The following KIAA1217 variants were observed in gnomAD, a reference collection of about 807,000 sequenced individuals.
KIAA1217 encodes KIAA1217, also known as sickle tail protein homolog.
KIAA1217 carries 88 observed loss-of-function variants against 163.9 expected under a neutral mutation model. The ratio of observed to expected loss-of-function variants is 0.54; its 90% CI spans 0.45 to 0.64. The LOEUF (loss-of-function observed/expected upper bound fraction) is 0.64, where lower values mean the gene tolerates loss of function less well. KIAA1217 is among the 30% of genes least tolerant of loss of function. The probability of loss-of-function intolerance (pLI) is 0.00; values close to 1 mark genes in which losing one functional copy is unlikely to be tolerated. For synonymous variants in KIAA1217, 903 were observed against 923.1 expected (o/e 0.98, Z 0.39); for missense variants, 2,372 against 2,475.0 (o/e 0.96, Z 0.88).
At chr10:24,366,066 T>A (rs1342917020) in intron 2 of KIAA1217, among the ~76,000 whole-genome samples, 1 of 152,190 alleles carries the variant, frequency 6.6e-6, no homozygotes, top group Admixed American at 6.5e-5. Context: ...AGGAAGTCAC[T>A]CTTCTTGCAT....
At chr10:23,807,504 A>G (rs1449200157) in intron 1 of KIAA1217, among the ~76,000 whole-genome samples, 1 of 152,250 alleles carries the variant, frequency 6.6e-6, no homozygotes, top group Non-Finnish European at 1.5e-5. Flanking sequence ...GGTCAAGTTT[A>G]GAAGCCAGAA....
At chr10:24,152,952 A>G (rs1363229606) in intron 2 of KIAA1217, among the ~76,000 whole-genome samples, 1 of 152,202 alleles carries the variant, frequency 6.6e-6, no homozygotes, top group East Asian at 1.9e-4. Flanking sequence ...TTAAGAATAA[A>G]TGTAATAACA....
chr10:24,116,627 C>G (rs11013905), intron 2 of KIAA1217, among the ~76,000 whole-genome samples: 14,479 of 152,134 alleles, frequency 0.095, 908 homozygotes, highest in African/African-American at 0.18. Flanking sequence ...TGTAGAACAG[C>G]CTTCTAGATG....
Position 24,333,592 on chromosome 10 carries a change from C to T in KIAA1217, c.355-47277C>T, listed in dbSNP as rs956242765. Among the ~76,000 whole-genome samples, 8 of 152,214 alleles carry T rather than the reference C, an allele frequency of 5.3e-5. No individual in the cohort carries two copies. In the East Asian group the frequency reaches 1.6e-3, roughly 29 times the overall value. The stretch of plus-strand genomic sequence containing the variant: ...TCTTAGCCCTGTAAGTTGGTTCTTT[C>T]TTGACCAACTACCCTCTAAGGAGAG... On this transcript the variant is annotated intron_variant, in intron 2 of 20. Coordinates refer to ENST00000376454, the MANE Select transcript of KIAA1217 (RefSeq NM_019590.5).
intron 2 of KIAA1217, among the ~76,000 whole-genome samples, chr10:24,262,776 C>G (rs374423839): frequency 1.3e-5 from 2 of 151,920 alleles, no homozygotes; most frequent in East Asian, 3.9e-4. Flanking sequence ...GAAACCTCAT[C>G]TCTGCTAAAT....
intron 1 of KIAA1217, among the ~76,000 whole-genome samples, chr10:24,214,635 C>T (rs2068582764): frequency 6.6e-6 from 1 of 152,120 alleles, no homozygotes. Context: ...TCTGGTCGAA[C>T]ACATAGGGCT....
At chr10:24,272,428 C>T (rs2076862404) in intron 2 of KIAA1217, among the ~76,000 whole-genome samples, 1 of 152,162 alleles carries the variant, frequency 6.6e-6, no homozygotes, top group Non-Finnish European at 1.5e-5. Context: ...AGTTTTCATT[C>T]AGTTCTAAAA....
At position 24,452,698 on chromosome 10, in the gene KIAA1217, AAT is replaced by A. The variant is rs200711117; in HGVS notation, c.846+14221_846+14222del. On this transcript the variant is annotated intron_variant, in intron 5 of 20. Coordinates refer to ENST00000376454, the MANE Select transcript of KIAA1217 (RefSeq NM_019590.5). ...CTGTCTCAAAAAAAAAAAAAAAAAA[AAT>A]AGAATGAATGAGACCTAGTATTTGC... Among the ~76,000 whole-genome samples the A allele has an allele frequency of 0.013, 1,949 of 150,248 alleles. 59 individuals are homozygous for A. In the East Asian group the frequency reaches 0.14, roughly 11 times the overall value.
chr10:24,382,236 G>A (rs1355987179), intron 3 of KIAA1217, among the ~76,000 whole-genome samples: 1 of 152,112 alleles, frequency 6.6e-6, no homozygotes, highest in Non-Finnish European at 1.5e-5. Flanking sequence ...CAGGAAAAGA[G>A]TCAACATGCA....
At chr10:24,420,238 T>A (rs994239889) in intron 3 of KIAA1217, among the ~76,000 whole-genome samples, 6 of 152,136 alleles carry the variant, frequency 3.9e-5, no homozygotes, top group Admixed American at 3.9e-4. Context: ...GACTTTTCTC[T>A]ATGTGACGAG....
At position 23,740,779 on chromosome 10, in the gene KIAA1217, A is replaced by T. The variant is rs76089443; in HGVS notation, c.-321+45545A>T. On this transcript the variant is annotated intron_variant, in intron 1 of 18. Coordinates refer to the KIAA1217 transcript ENST00000376462. ...TAAAGGTTGTATGTAGGTTGAGATTAAAAAAAAAAAAATGGGCGCATGCCT... is the reference window on the plus strand; with the variant it reads ...TAAAGGTTGTATGTAGGTTGAGATTTAAAAAAAAAAAATGGGCGCATGCCT... Among the ~76,000 whole-genome samples, 16 of 122,824 alleles carry T rather than the reference A, an allele frequency of 1.3e-4. No homozygotes were observed. In the South Asian group the frequency reaches 2.7e-3, roughly 21 times the overall value. 80.6% of individuals were successfully genotyped at this position (122,824 alleles called of 152,430 possible).
chr10:24,183,116 T>C (rs1167397765), intron 2 of KIAA1217, among the ~76,000 whole-genome samples: 1 of 152,218 alleles, frequency 6.6e-6, no homozygotes, highest in Non-Finnish European at 1.5e-5. Flanking sequence ...AGGTTTTCTC[T>C]TTTCACACAT....
chr10:24,182,654 T>C (rs1179848845), intron 2 of KIAA1217, among the ~76,000 whole-genome samples: 1 of 152,110 alleles, frequency 6.6e-6, no homozygotes, highest in Non-Finnish European at 1.5e-5. Context: ...ATAAACACAA[T>C]TTGTATTTTG....
chr10:23,766,269 A>G (rs888669991), intron 1 of KIAA1217, among the ~76,000 whole-genome samples: 2 of 137,258 alleles, frequency 1.5e-5, no homozygotes, highest in African/African-American at 4.9e-5. Context: ...GCAAAAATTG[A>G]TTTTTGTTTT....
intron 1 of KIAA1217, among the ~76,000 whole-genome samples, chr10:23,931,743 T>G (rs1055737214): frequency 6.6e-6 from 1 of 152,192 alleles, no homozygotes; most frequent in African/African-American, 2.4e-5. Flanking sequence ...TACTTTAATA[T>G]ATGGCAGATA....
At chr10:24,394,317 G>C (rs1281650212) in intron 3 of KIAA1217, among the ~76,000 whole-genome samples, 1 of 152,154 alleles carries the variant, frequency 6.6e-6, no homozygotes, top group African/African-American at 2.4e-5. Context: ...TGCAGAATTT[G>C]CTAAGGTGTT....
At chr10:23,713,566 A>G (rs1837392678) in intron 1 of KIAA1217, among the ~76,000 whole-genome samples, 1 of 152,176 alleles carries the variant, frequency 6.6e-6, no homozygotes, top group Admixed American at 6.6e-5. Context: ...CAGTTAATAT[A>G]GAAGTTATGC....
intron 1 of KIAA1217, among the ~76,000 whole-genome samples, chr10:23,809,491 A>C (rs1352849582): frequency 4.6e-5 from 7 of 152,018 alleles, no homozygotes; most frequent in Non-Finnish European, 8.8e-5. Context: ...TAATTCAATA[A>C]AGTGAGGTAA....
At chr10:23,758,005 TGTCTTTTTA>T (rs1834007416) in intron 1 of KIAA1217, among the ~76,000 whole-genome samples, 1 of 152,240 alleles carries the variant, frequency 6.6e-6, no homozygotes, top group Non-Finnish European at 1.5e-5. Flanking sequence ...TTCTGTGGGT[TGTCTTTTTA>T]CTCCTTTAAT....
Sources: allele counts gnomAD v4.1 joint callset (sites outside exome capture counted in the v4.1 genomes callset), GRCh38; gene constraint gnomAD v4.1.1; transcripts MANE v1.5; gene names NCBI Gene and HGNC (gene_info 2026-07-23, HGNC 2026-07-21).